The following SPTAN1 variants were observed in gnomAD, a reference collection of about 807,000 sequenced individuals.
SPTAN1 encodes spectrin alpha, non-erythrocytic 1.
A neutral mutation model predicts 331.3 loss-of-function variants in SPTAN1; 61 were observed. The observed-to-expected ratio is 0.18, with a 90% CI of 0.15 to 0.23. The LOEUF (loss-of-function observed/expected upper bound fraction) is 0.23, where lower values mean the gene tolerates loss of function less well. Ranked by LOEUF, SPTAN1 falls within the 10% of genes least tolerant of loss-of-function variation. The pLI, the probability that SPTAN1 is intolerant of heterozygous loss-of-function variation, is 1.00. For missense variants in SPTAN1, 2,043 were observed against 3,147.9 expected (o/e 0.65, Z 8.40); for synonymous variants, 1,153 against 1,173.9 (o/e 0.98, Z 0.36).
chr9:128,608,945 C>T lies in SPTAN1; in HGVS notation c.4563C>T (p.Asp1521=), dbSNP rs1459987775. The change falls in exon 35 of 57, where the codon GAC becomes GAT. Residue 1521 remains aspartate (D), a synonymous_variant. Coordinates refer to ENST00000372739, the MANE Select transcript of SPTAN1 (RefSeq NM_001130438.3). ...CTGCCGGCCATTATGCCAAGGGAGA[C>T]ATTTCTAGCCGGCGCAATGAGGTCT... ...LIAAGHYAKG[D]ISSRRNEVLD... 1 of 1,614,224 alleles carries T rather than the reference C, an allele frequency of 6.2e-7. No individual in the cohort carries two copies. Among genetic ancestry groups the T allele is most frequent in the Non-Finnish European group, 8.5e-7 (1 of 1,180,044 alleles).
chr9:128,573,560 A>G (rs1053250073), intron 3 of SPTAN1, among the ~76,000 whole-genome samples: 7 of 152,070 alleles, frequency 4.6e-5, no homozygotes, highest in African/African-American at 1.7e-4. Context: ...AGGTTCAAGC[A>G]ATTCTCCTGC....
Position 128,608,195 on chromosome 9 carries a change from C to T in SPTAN1, c.4410C>T (p.Thr1470=), listed in dbSNP as rs2228951. 8.9e-4 allele frequency: 1,438 copies of T among 1,614,074 alleles called. 17 individuals carry two copies. The African/African-American group carries it at 0.016, about 18-fold the overall frequency. Residue 1470 remains threonine, a synonymous_variant, in exon 34 of 57, where the codon ACC becomes ACT. Transcript: ENST00000372739. ...CTGCCCGGGAGGCCTTCTTGAATAC[C>T]GAAGACAAAGGAGACTCACTGGACA... The part of the protein sequence containing the change: ...WMAAREAFLN[T]EDKGDSLDSV...
chr9:128,616,148 T>C (rs975285333), intron 41 of SPTAN1, among the ~76,000 whole-genome samples: 1 of 152,142 alleles, frequency 6.6e-6, no homozygotes, highest in Non-Finnish European at 1.5e-5. Context: ...AGGAGTTGCT[T>C]TTTTTCTTAT....
intron 1 of SPTAN1, among the ~76,000 whole-genome samples, chr9:128,561,097 C>T (rs533458316): frequency 2.6e-5 from 4 of 151,134 alleles, no homozygotes; most frequent in East Asian, 2.0e-4. Flanking sequence ...CGGCCAGGCA[C>T]GGTGGTTCAC....
chr9:128,626,735 C>T, intron 49 of SPTAN1, 48 bp downstream of exon 49: 1 of 1,552,658 alleles, frequency 6.4e-7, no homozygotes, highest in Non-Finnish European at 8.7e-7. Context: ...CCAGAGCCCT[C>T]TCTGGGCCCT....
Position 128,591,621 on chromosome 9 carries a change from A to C in SPTAN1, c.3151A>C (p.Asn1051His). The change falls in exon 22 of 57, where the codon AAT (asparagine) becomes CAT (histidine). Residue 1051 changes from asparagine to histidine, a missense_variant. Physicochemically the swap from Asn to His is moderately conservative, Grantham distance 68. Transcript: ENST00000372739. ...SIALRQEQID[N>H]QTRITKEAGS... ...AGCACTGCGGCAGGAGCAGATTGAC[A>C]ATCAGTAAGGATGACACTGGGGGCC... is the stretch of plus-strand genomic sequence containing the variant. 1 of 1,614,032 alleles carries C rather than the reference A, an allele frequency of 6.2e-7. No individual in the cohort carries two copies. Among genetic ancestry groups the C allele is most frequent in the South Asian group, 1.1e-5 (1 of 91,076 alleles).
At chr9:128,567,064 A>T in intron 2 of SPTAN1, 87 bp downstream of exon 2, 2 of 1,576,026 alleles carry the variant, frequency 1.3e-6, no homozygotes, top group Non-Finnish European at 1.7e-6. Context: ...TTACTTAATT[A>T]TGACCTTGAG....
intron 22 of SPTAN1, among the ~76,000 whole-genome samples, 172 bp downstream of exon 22, chr9:128,591,797 G>A (rs536700139): frequency 2.0e-5 from 3 of 152,246 alleles, no homozygotes; most frequent in African/African-American, 7.2e-5. Context: ...TCAGACCCCT[G>A]ACTGATGACT....
At chr9:128,606,908 GA>G (rs927768326) in intron 31 of SPTAN1, among the ~76,000 whole-genome samples, 6 of 152,064 alleles carry the variant, frequency 3.9e-5, no homozygotes, top group African/African-American at 1.4e-4. Flanking sequence ...TCTAGTTTTG[GA>G]ACATTTTCAT....
chr9:128,625,011 A>AC lies in SPTAN1; in HGVS notation c.5993-91dup. The AC allele has an allele frequency of 8.0e-7, 1 of 1,242,478 alleles. No individual in the cohort carries two copies. The highest frequency in any genetic ancestry group is 1.2e-5 in the South Asian group (1 of 82,712). 77.0% of individuals were successfully genotyped at this position (1,242,478 alleles called of 1,614,324 possible). A position where few individuals can be genotyped will look rare whatever the true frequency, so the allele number is the denominator to read the frequency against. On this transcript the variant is annotated intron_variant, in intron 46 of 56. Coordinates refer to ENST00000372739, the MANE Select transcript of SPTAN1 (RefSeq NM_001130438.3). This position sits in a 1 kb window ranked among gnomAD's most constrained non-coding sequence, Gnocchi z 4.1. ...TAGGAAGATTGGGATTTATCTGTAC[A>AC]CAAAAAATGGTTTGTCTGGGTTTTG...
Position 128,591,644 on chromosome 9 carries a change from G to A in SPTAN1, c.3155+19G>A, listed in dbSNP as rs372206605. The A allele has an allele frequency of 1.9e-6, 3 of 1,613,314 alleles. No homozygotes were observed. Among genetic ancestry groups the A allele is most frequent in the Non-Finnish European group, 2.5e-6 (3 of 1,179,780 alleles). ...ACAATCAGTAAGGATGACACTGGGG[G>A]CCGCAAGGGCTAGGCGTCCCATAGG... On this transcript the variant is annotated intron_variant, in intron 22 of 56. Transcript: ENST00000372739.
rs759713935 is a variant in SPTAN1, at chr9:128,607,869, C to G, written c.4164C>G (p.Ile1388Met). ...LERHQEHRTE[I>M]DARAGTFQAF... ...TTTGGCAGGAACACCGGACAGAAAT[C>G]GATGCCAGGGCTGGCACTTTCCAGG... The change falls in exon 33 of 57, where the codon ATC (isoleucine) becomes ATG (methionine). Residue 1388 changes from isoleucine to methionine, a missense_variant. Physicochemically the swap from Ile to Met is conservative, Grantham distance 10. Coordinates refer to ENST00000372739, the MANE Select transcript of SPTAN1 (RefSeq NM_001130438.3). The G allele has an allele frequency of 6.2e-7, 1 of 1,613,960 alleles. No homozygotes were observed. The highest frequency in any genetic ancestry group is 8.5e-7 in the Non-Finnish European group (1 of 1,180,022).
chr9:128,618,037 A>G lies in SPTAN1; in HGVS notation c.5529A>G (p.Lys1843=), dbSNP rs776079416. The G allele has an allele frequency of 6.2e-7, 1 of 1,614,084 alleles. No individual in the cohort carries two copies. Residue 1843 remains lysine (K), a synonymous_variant, in exon 43 of 57, where the codon AAA becomes AAG. Transcript: ENST00000372739. ...KKLSDDNTIG[K]EEIQQRLAQF... is the part of the protein sequence containing the mutation. Reference sequence around the variant, plus strand: ...TGTCCGATGACAACACCATCGGGAAAGAGGAGATCCAGCAGCGGCTGGCGC... The same window carrying G: ...TGTCCGATGACAACACCATCGGGAAGGAGGAGATCCAGCAGCGGCTGGCGC...
rs1343281163 is a variant in SPTAN1 at position 128,629,831 on chromosome 9, C to G, written c.6708-490C>G. 3.2e-6 allele frequency: 1 copy of G among 309,158 alleles called. No individual in the cohort carries two copies. The highest frequency in any genetic ancestry group is 6.4e-6 in the Non-Finnish European group (1 of 156,322). The allele number at this position is 309,158 out of a possible 1,614,324, so 19.2% of individuals were successfully genotyped here. On this transcript the variant is annotated intron_variant, in intron 51 of 56. Transcript: ENST00000372739. The surrounding 1 kb of genome is among the most constrained non-coding windows in gnomAD (Gnocchi z 4.9). ...TGTGTCCTTTGTCTGCAGGGTCGTG[C>G]TCTCATTCCCCCTAGAATGGGGCTC...
At chr9:128,618,377 CAT>C (rs937019066) in intron 43 of SPTAN1, among the ~76,000 whole-genome samples, 3 of 152,040 alleles carry the variant, frequency 2.0e-5, no homozygotes, top group Non-Finnish European at 4.4e-5. Context: ...ATGAATCACA[CAT>C]GATTCTCCAG....
chr9:128,559,938 T>G (rs1849103891), intron 1 of SPTAN1, among the ~76,000 whole-genome samples: 2 of 151,988 alleles, frequency 1.3e-5, no homozygotes, highest in Admixed American at 1.3e-4. Context: ...TTTCACCATG[T>G]TGGCCAGGCT....
Position 128,629,812 on chromosome 9 carries a change from C to CT in SPTAN1, c.6708-506dup, listed in dbSNP as rs1859395328. The CT allele has an allele frequency of 1.5e-5, 4 of 272,794 alleles. No individual in the cohort carries two copies. The South Asian group carries it at 1.5e-4, about 11-fold the overall frequency. The allele number at this position is 272,794 out of a possible 1,614,324, so 16.9% of individuals were successfully genotyped here. ...GATCTCCCAGCACTCCACTTGTGTC[C>CT]TTTGTCTGCAGGGTCGTGCTCTCAT... is the stretch of plus-strand genomic sequence containing the variant. On this transcript the variant is annotated intron_variant, in intron 51 of 56. Coordinates refer to ENST00000372739, the MANE Select transcript of SPTAN1 (RefSeq NM_001130438.3). The surrounding 1 kb of genome is among the most constrained non-coding windows in gnomAD (Gnocchi z 4.9).
intron 38 of SPTAN1, 100 bp from the exon 39 acceptor site, chr9:128,612,009 G>A: frequency 1.1e-5 from 17 of 1,607,808 alleles, no homozygotes; most frequent in Non-Finnish European, 1.4e-5. Context: ...TCCTATGAGT[G>A]TTTTCCATTC....
chr9:128,585,870 T>C lies in SPTAN1; in HGVS notation c.2683T>C (p.Tyr895His). 1 of 1,614,066 alleles carries C rather than the reference T, an allele frequency of 6.2e-7. No individual in the cohort carries two copies. Among genetic ancestry groups the C allele is most frequent in the Non-Finnish European group, 8.5e-7 (1 of 1,180,016 alleles). ...DLEDSLQAQQ[Y>H]FADANEAESW... Reference sequence around the variant, plus strand: ...GGAGGACTCTCTGCAGGCCCAGCAGTACTTTGCTGATGCTAACGAGGCTGA... The same window carrying C: ...GGAGGACTCTCTGCAGGCCCAGCAGCACTTTGCTGATGCTAACGAGGCTGA... The change falls in exon 19 of 57, where the codon TAC (tyrosine) becomes CAC (histidine). Residue 895 changes from tyrosine to histidine, a missense_variant. Physicochemically the swap from Tyr to His is moderately conservative, Grantham distance 83 (BLOSUM62 2). Coordinates refer to ENST00000372739, the MANE Select transcript of SPTAN1 (RefSeq NM_001130438.3).
Sources: allele counts gnomAD v4.1 joint callset (sites outside exome capture counted in the v4.1 genomes callset), GRCh38; gene constraint gnomAD v4.1.1; non-coding constraint Gnocchi (gnomAD v3.1); transcripts MANE v1.5; gene names NCBI Gene and HGNC (gene_info 2026-07-23, HGNC 2026-07-21).